Variants in AP1S3 observed in about 807,000 individuals in gnomAD.
AP1S3 encodes AP-1 complex subunit sigma-3.
In AP1S3, 10 loss-of-function variants were observed where a neutral mutation model predicts 20.9. The observed-to-expected ratio is 0.48, with a 90% confidence interval of 0.29 to 0.81. The LOEUF (loss-of-function observed/expected upper bound fraction) is 0.81, where lower values mean the gene tolerates loss of function less well. AP1S3 is among the 30% of genes least tolerant of loss of function. The pLI, the probability that AP1S3 is intolerant of heterozygous loss-of-function variation, is 0.08. For missense variants in AP1S3, 154 were observed against 183.8 expected (o/e 0.84, Z 0.94); for synonymous variants, 41 against 61.5 (o/e 0.67, Z 1.56).
rs1297775055 is a variant in AP1S3, at chr2:223,756,666, CTGAGT to C, written c.*2044_*2048del. On this transcript the variant is annotated 3_prime_UTR_variant, in exon 5 of 5. Coordinates refer to ENST00000396654, the MANE Select transcript of AP1S3 (RefSeq NM_001039569.2). Reference sequence around the variant, plus strand: ...CCTAATGATTATTTTATATGCTAATCTGAGTTATTTCCTTTGAACAATGGTTATAT... The same window carrying C: ...CCTAATGATTATTTTATATGCTAATCTATTTCCTTTGAACAATGGTTATAT... The C allele has an allele frequency of 5.1e-6, 5 of 985,284 alleles. No homozygotes were observed. Among genetic ancestry groups the C allele is most frequent in the East Asian group, 1.1e-4 (1 of 8,814 alleles). 61.0% of individuals were successfully genotyped at this position (985,284 alleles called of 1,614,324 possible).
chr2:223,828,295 C>CTT (rs775000674), intron 1 of AP1S3, among the ~76,000 whole-genome samples: 15 of 131,368 alleles, frequency 1.1e-4, no homozygotes, highest in African/African-American at 2.0e-4. Flanking sequence ...TCCTCTCTCT[C>CTT]TTTTTTTTTT....
chr2:223,770,132 AAAAG>A, intron 3 of AP1S3: 1 of 1,514,878 alleles, frequency 6.6e-7, no homozygotes, highest in Non-Finnish European at 8.8e-7. Context: ...GAAAGAAACA[AAAAG>A]AAATCACAAT....
chr2:223,812,772 T>C (rs1307865439), intron 1 of AP1S3, among the ~76,000 whole-genome samples: 1 of 152,172 alleles, frequency 6.6e-6, no homozygotes, highest in Non-Finnish European at 1.5e-5. Context: ...GAGTGCCACA[T>C]CTTCCTGTTC....
At chr2:223,827,688 TTTTG>T (rs774246518) in intron 1 of AP1S3, among the ~76,000 whole-genome samples, 85 of 152,040 alleles carry the variant, frequency 5.6e-4, no homozygotes, top group Non-Finnish European at 1.0e-3. Context: ...GCCCGGCCGA[TTTTG>T]TTTATTTCAT....
intron 3 of AP1S3, among the ~76,000 whole-genome samples, chr2:223,766,697 A>C (rs184853170): frequency 2.0e-4 from 31 of 152,336 alleles, no homozygotes; most frequent in African/African-American, 7.2e-4. Context: ...CGGCAATCCC[A>C]TTACTGGGTA....
At chr2:223,818,046 T>A (rs1250836482) in intron 1 of AP1S3, among the ~76,000 whole-genome samples, 1 of 151,924 alleles carries the variant, frequency 6.6e-6, no homozygotes, top group Non-Finnish European at 1.5e-5. Context: ...TTGTTGGCAG[T>A]TGAAAGACTT....
chr2:223,816,894 A>C (rs1691855647), intron 1 of AP1S3, among the ~76,000 whole-genome samples: 1 of 152,202 alleles, frequency 6.6e-6, no homozygotes, highest in Non-Finnish European at 1.5e-5. Context: ...TTGGGAGGCC[A>C]AGGCGAGTGG....
intron 1 of AP1S3, among the ~76,000 whole-genome samples, chr2:223,809,402 C>T (rs1244110665): frequency 2.0e-5 from 3 of 152,144 alleles, no homozygotes; most frequent in East Asian, 2.0e-4. Flanking sequence ...CCCAGCACTT[C>T]GGGAGGCCAA....
intron 1 of AP1S3, among the ~76,000 whole-genome samples, chr2:223,815,659 T>TA (rs1691826517): frequency 1.3e-5 from 2 of 152,236 alleles, no homozygotes; most frequent in Admixed American, 6.5e-5. Flanking sequence ...TCCAAGCATA[T>TA]AAACTGTTCT....
intron 1 of AP1S3, among the ~76,000 whole-genome samples, chr2:223,811,614 C>T (rs1030998661): frequency 4.0e-5 from 6 of 151,762 alleles, no homozygotes; most frequent in African/African-American, 1.5e-4. Flanking sequence ...GCCCTTTGCC[C>T]ATTTTTTCAT....
intron 1 of AP1S3, among the ~76,000 whole-genome samples, chr2:223,822,980 G>A (rs984133069): frequency 6.6e-6 from 1 of 151,900 alleles, no homozygotes; most frequent in African/African-American, 2.4e-5. Context: ...ACCAGTATAT[G>A]GGGAAAAAAA....
In AP1S3 at chr2:223,758,580, T is replaced by G; in HGVS notation, c.*135A>C. 7.3e-7 allele frequency: 1 copy of G among 1,364,244 alleles called. No homozygotes were observed. The highest frequency in any genetic ancestry group is 2.2e-5 in the South Asian group (1 of 44,496). The allele number at this position is 1,364,244 out of a possible 1,614,324, so 84.5% of individuals were successfully genotyped here. Reference sequence around the variant, plus strand: ...ATAAATATGTTAAACAACTTTAACTTTGTTAGTTAACAAAGAATCCCTTTA... The same window carrying G: ...ATAAATATGTTAAACAACTTTAACTGTGTTAGTTAACAAAGAATCCCTTTA... On this transcript the variant is annotated 3_prime_UTR_variant, in exon 5 of 5. Transcript: ENST00000396654.
At chr2:223,785,911 T>A in intron 1 of AP1S3, among the ~76,000 whole-genome samples, 1 of 152,236 alleles carries the variant, frequency 6.6e-6, no homozygotes, top group East Asian at 1.9e-4. Flanking sequence ...CTCACACCTG[T>A]ACTCCCTGAA....
At chr2:223,764,932 C>T in intron 4 of AP1S3, 1 of 433,966 alleles carries the variant, frequency 2.3e-6, no homozygotes, top group Non-Finnish European at 4.0e-6. Context: ...CTATGCCACA[C>T]TTCCTAGTGG....
At chr2:223,785,991 C>A (rs1056708893) in intron 1 of AP1S3, among the ~76,000 whole-genome samples, 16 of 152,142 alleles carry the variant, frequency 1.1e-4, no homozygotes, top group African/African-American at 3.6e-4. Context: ...ATAGGCTCAT[C>A]AGTTGCAGCA....
rs142845475 is a variant in AP1S3, at chr2:223,815,868, G to A, written c.3+21580C>T. Among the ~76,000 whole-genome samples, 9 of 152,314 alleles carry A rather than the reference G, an allele frequency of 5.9e-5. No individual in the cohort carries two copies. In the East Asian group the frequency reaches 7.7e-4, roughly 13 times the overall value. On this transcript the variant is annotated intron_variant, in intron 1 of 4. Transcript: ENST00000396654. ...CTCAGGTCTCTAATACTAGCACTAC[G>A]GGAGGCTAAGGGAGGAAGACAGCTT... is the stretch of plus-strand genomic sequence containing the variant.
chr2:223,757,635 T>A lies in AP1S3; in HGVS notation c.*1080A>T. The A allele has an allele frequency of 3.0e-6, 3 of 985,426 alleles. No individual in the cohort carries two copies. Among genetic ancestry groups the A allele is most frequent in the Non-Finnish European group, 3.6e-6 (3 of 829,932 alleles). The allele number at this position is 985,426 out of a possible 1,614,324, so 61.0% of individuals were successfully genotyped here. On this transcript the variant is annotated 3_prime_UTR_variant, in exon 5 of 5. Transcript: ENST00000396654. ...TGTCTGATCACTGTTAGGACCTGGTTATACAGAATTTTCATTCCAGGAAGC... is the reference window on the plus strand; with the variant it reads ...TGTCTGATCACTGTTAGGACCTGGTAATACAGAATTTTCATTCCAGGAAGC...
chr2:223,804,545 T>G (rs920695174), intron 1 of AP1S3, among the ~76,000 whole-genome samples: 1 of 151,924 alleles, frequency 6.6e-6, no homozygotes, highest in African/African-American at 2.4e-5. Context: ...CAAAAAAACT[T>G]TTTTAAATAA....
rs531984314 is a variant in AP1S3, at chr2:223,790,398, A to AT, written c.4-12530dup. On this transcript the variant is annotated intron_variant, in intron 1 of 4. Transcript: ENST00000396654. ...AGGCACCTGTCACCATGCCTGGCTA[A>AT]TTTTTTTTGTATTTTTAGCAGAGAT... Among the ~76,000 whole-genome samples, 16 of 151,690 alleles carry AT rather than the reference A, an allele frequency of 1.1e-4. No individual in the cohort carries two copies. In the South Asian group the frequency reaches 3.1e-3, roughly 30 times the overall value.
Sources: gnomAD v4.1 joint callset for allele counts (sites outside exome capture counted in the v4.1 genomes callset) on GRCh38, gnomAD v4.1.1 for gene constraint, MANE v1.5 for transcripts, NCBI Gene and HGNC (gene_info 2026-07-23, HGNC 2026-07-21) for gene names.